The following C4BPA variants were observed in gnomAD, a reference collection of about 807,000 sequenced individuals.
The protein encoded by C4BPA is C4b-binding protein alpha chain.
Under a neutral mutation model 63.7 loss-of-function variants are expected in C4BPA, and 31 were observed. That is an observed-to-expected ratio of 0.49 (90% CI 0.37 to 0.66). The LOEUF is 0.66. Ranked by LOEUF, C4BPA falls within the 30% of genes least tolerant of loss-of-function variation. The probability of loss-of-function intolerance (pLI) is 0.00; values close to 1 mark genes in which losing one functional copy is unlikely to be tolerated. For missense variants in C4BPA, 572 were observed against 723.3 expected, an observed-to-expected ratio of 0.79 and a Z score of 2.40; for synonymous variants, 259 against 254.7, an observed-to-expected ratio of 1.02 and a Z score of -0.16.
At chr1:207,108,435 A>G (rs551983327) in intron 1 of C4BPA, among the ~76,000 whole-genome samples, 1 of 152,348 alleles carries the variant, frequency 6.6e-6, no homozygotes, top group African/African-American at 2.4e-5. Flanking sequence ...TTGCAAGGTC[A>G]GTTTTGTCAC....
intron 1 of C4BPA, among the ~76,000 whole-genome samples, chr1:207,104,868 T>C (rs1684527092): frequency 6.6e-6 from 1 of 152,192 alleles, no homozygotes; most frequent in Non-Finnish European, 1.5e-5. Flanking sequence ...TTTTGAGATT[T>C]GATTAACCAC....
Position 207,123,484 on chromosome 1 carries a change from C to T in C4BPA, c.429-438C>T, listed in dbSNP as rs554599698. Among the ~76,000 whole-genome samples, 49 of 152,054 alleles carry T rather than the reference C, an allele frequency of 3.2e-4. 1 individual carries two copies. In the South Asian group the frequency reaches 5.4e-3, roughly 17 times the overall value. On this transcript the variant is annotated intron_variant, in intron 4 of 11. Transcript: ENST00000367070. ...GGAAAGAGTAGGACATATCAAGAGC[C>T]GTAAAAATGGAAGTGGTGAACTGAA...
intron 11 of C4BPA, 116 bp from the exon 12 acceptor site, chr1:207,144,428 C>A: frequency 2.5e-6 from 2 of 796,898 alleles, no homozygotes; most frequent in Non-Finnish European, 3.8e-6. Context: ...CAGCCTCAAC[C>A]ACCAGTCTGA....
chr1:207,113,031 C>T lies in C4BPA; in HGVS notation c.6C>T (p.His2=), dbSNP rs778462780. 1.3e-6 allele frequency: 2 copies of T among 1,588,704 alleles called. No individual in the cohort carries two copies. Among genetic ancestry groups the T allele is most frequent in the Non-Finnish European group, 1.7e-6 (2 of 1,170,334 alleles). The change falls in exon 2 of 12, where the codon CAC becomes CAT. Residue 2 remains histidine (H), a synonymous_variant. Coordinates refer to ENST00000367070, the MANE Select transcript of C4BPA (RefSeq NM_000715.4). The stretch of plus-strand genomic sequence containing the variant: ...CATCAGCGAAGCAGCAGGCCATGCA[C>T]CCCCCAAAAACTCCATCTGGGGCTC... The part of the protein sequence containing the change: M[H]PPKTPSGALH...
intron 1 of C4BPA, among the ~76,000 whole-genome samples, chr1:207,105,347 C>T (rs752864156): frequency 2.0e-5 from 3 of 151,930 alleles, no homozygotes; most frequent in Admixed American, 6.6e-5. Context: ...CACCTGAGGT[C>T]GGGAGTTCGA....
chr1:207,124,257 C>T lies in C4BPA; in HGVS notation c.597C>T (p.Val199=), dbSNP rs778290166. ...EENFYAYGFS[V]TYSCDPRFSL... ...ATTTCTACGCATACGGCTTTTCTGTCACCTACAGCTGTGACCCCCGCTTCT... is the reference window on the plus strand; with the variant it reads ...ATTTCTACGCATACGGCTTTTCTGTTACCTACAGCTGTGACCCCCGCTTCT... The change falls in exon 6 of 12, where the codon GTC becomes GTT. Residue 199 remains valine, a synonymous_variant. Transcript: ENST00000367070. 20 of 1,613,852 alleles carry T rather than the reference C, an allele frequency of 1.2e-5. No individual in the cohort carries two copies. Among genetic ancestry groups the T allele is most frequent in the Non-Finnish European group, 8.5e-7 (1 of 1,179,852 alleles).
At position 207,134,547 on chromosome 1, in the gene C4BPA, C is replaced by T; in HGVS notation, c.1228C>T (p.Gln410Ter). Residue 410 changes from glutamine (Q) to a stop codon, truncating the protein, a stop_gained, in exon 9 of 12, where the codon CAA (glutamine) becomes TAA (stop). Coordinates refer to ENST00000367070, the MANE Select transcript of C4BPA (RefSeq NM_000715.4). LOFTEE classifies it high-confidence loss of function. ...GACCAGTAGGTTTTCAGCTATATGCCAAGGAGATGGCACGTGGAGTCCCCG... is the reference window on the plus strand; with the variant it reads ...GACCAGTAGGTTTTCAGCTATATGCTAAGGAGATGGCACGTGGAGTCCCCG... ...HETSRFSAIC[Q>*]GDGTWSPRTP... 1 of 1,613,746 alleles carries T rather than the reference C, an allele frequency of 6.2e-7. No individual in the cohort carries two copies. The highest frequency in any genetic ancestry group is 2.2e-5 in the East Asian group (1 of 44,852).
chr1:207,121,219 C>T (rs1264702138), intron 4 of C4BPA, among the ~76,000 whole-genome samples: 1 of 151,980 alleles, frequency 6.6e-6, no homozygotes, highest in South Asian at 2.1e-4. Context: ...ATTATTTTAA[C>T]CATTATAAAA....
chr1:207,112,825 G>A, intron 1 of C4BPA, 176 bp from the exon 2 acceptor site: 1 of 548,222 alleles, frequency 1.8e-6, no homozygotes, highest in East Asian at 3.4e-5. Flanking sequence ...CACAGCTTCT[G>A]CAGAGGCCAA....
intron 8 of C4BPA, among the ~76,000 whole-genome samples, chr1:207,133,976 T>C (rs1247682055): frequency 6.6e-6 from 1 of 152,186 alleles, no homozygotes; most frequent in African/African-American, 2.4e-5. Flanking sequence ...TTGAATAATT[T>C]TGAAAATTTA....
At chr1:207,143,695 C>T in intron 10 of C4BPA, 123 bp from the exon 11 acceptor site, 1 of 708,084 alleles carries the variant, frequency 1.4e-6, no homozygotes, top group Non-Finnish European at 2.3e-6. Flanking sequence ...TGAATGTTTT[C>T]AAATGAAGAG....
At chr1:207,122,364 T>C (rs967206320) in intron 4 of C4BPA, among the ~76,000 whole-genome samples, 4 of 152,336 alleles carry the variant, frequency 2.6e-5, no homozygotes, top group Non-Finnish European at 4.4e-5. Flanking sequence ...CACTATCTTT[T>C]GCTAGTGAAT....
chr1:207,137,848 C>T (rs1174413841), intron 9 of C4BPA, among the ~76,000 whole-genome samples: 1 of 152,180 alleles, frequency 6.6e-6, no homozygotes, highest in Non-Finnish European at 1.5e-5. Context: ...GAACTCCTGA[C>T]CTGAAGTGAT....
chr1:207,107,384 AC>A (rs1256427399), intron 1 of C4BPA, among the ~76,000 whole-genome samples: 2 of 152,160 alleles, frequency 1.3e-5, no homozygotes, highest in Non-Finnish European at 2.9e-5. Flanking sequence ...CCCTGTCTTT[AC>A]AAAAAATTAA....
intron 1 of C4BPA, among the ~76,000 whole-genome samples, chr1:207,110,296 T>C (rs76169194): frequency 0.057 from 8,676 of 152,118 alleles, 283 homozygotes; most frequent in Middle Eastern, 0.075. Flanking sequence ...TGGACAGGAA[T>C]GGGAGATAGG....
At chr1:207,107,248 G>GT (rs1684579949) in intron 1 of C4BPA, among the ~76,000 whole-genome samples, 3 of 152,062 alleles carry the variant, frequency 2.0e-5, no homozygotes, top group Non-Finnish European at 2.9e-5. Context: ...GCTTGCAGGT[G>GT]TTTTTTAAAA....
At chr1:207,113,758 T>A (rs1357451735) in intron 2 of C4BPA, among the ~76,000 whole-genome samples, 3 of 152,240 alleles carry the variant, frequency 2.0e-5, no homozygotes, top group Non-Finnish European at 2.9e-5. Context: ...TTTGCACAGA[T>A]GCATTTGAGT....
chr1:207,114,483 T>TTA (rs1684740263), intron 3 of C4BPA, among the ~76,000 whole-genome samples, 198 bp downstream of exon 3: 1 of 138,478 alleles, frequency 7.2e-6, no homozygotes, highest in Non-Finnish European at 1.5e-5. Flanking sequence ...AATAACTCTG[T>TTA]TCTTTTTTTT....
chr1:207,113,016 G>A lies in C4BPA; in HGVS notation c.-10G>A. The A allele has an allele frequency of 2.6e-6, 4 of 1,563,254 alleles. No individual in the cohort carries two copies. The highest frequency in any genetic ancestry group is 3.4e-6 in the Non-Finnish European group (4 of 1,163,198). Reference sequence around the variant, plus strand: ...CTTTCAGCAGAAAAACATCAGCGAAGCAGCAGGCCATGCACCCCCCAAAAA... The same window carrying A: ...CTTTCAGCAGAAAAACATCAGCGAAACAGCAGGCCATGCACCCCCCAAAAA... On this transcript the variant is annotated 5_prime_UTR_variant, in exon 2 of 12. Coordinates refer to ENST00000367070, the MANE Select transcript of C4BPA (RefSeq NM_000715.4).
Sources: allele counts gnomAD v4.1 joint callset (sites outside exome capture counted in the v4.1 genomes callset), GRCh38; gene constraint gnomAD v4.1.1; transcripts MANE v1.5; gene names NCBI Gene and HGNC (gene_info 2026-07-23, HGNC 2026-07-21).